Variants in ATP13A5 observed in about 807,000 individuals in gnomAD.
ATP13A5 encodes the protein probable cation-transporting ATPase 13A5.
ATP13A5 carries 149 observed loss-of-function variants against 150.2 expected under a neutral mutation model. The observed-to-expected ratio is 0.99, with a 90% CI of 0.87 to 1.14. The LOEUF (loss-of-function observed/expected upper bound fraction) is 1.14. Among genes scored for constraint, ATP13A5 ranks in the 50% most tolerant of loss-of-function variants. The pLI is 0.00. For synonymous variants in ATP13A5, 497 were observed against 522.2 expected (o/e 0.95, Z 0.66); for missense variants, 1,383 against 1,449.3 (o/e 0.95, Z 0.74).
chr3:193,282,178 G>T (rs1041484904), intron 27 of ATP13A5, among the ~76,000 whole-genome samples: 2 of 151,986 alleles, frequency 1.3e-5, no homozygotes, highest in Admixed American at 6.6e-5. Flanking sequence ...CTGGGTGAAA[G>T]AGCAAGACTC....
At chr3:193,322,422 G>T (rs560382451) in intron 15 of ATP13A5, 69 bp downstream of exon 15, 1 of 1,195,772 alleles carries the variant, frequency 8.4e-7, no homozygotes, top group Non-Finnish European at 1.2e-6. Flanking sequence ...ATAAAAATAT[G>T]TGCAAGTCAG....
At position 193,299,187 on chromosome 3, in the gene ATP13A5, C is replaced by G; in HGVS notation, c.2792G>C (p.Gly931Ala). The G allele has an allele frequency of 3.1e-6, 5 of 1,609,996 alleles. 1 individual carries two copies. Among genetic ancestry groups the G allele is most frequent in the Middle Eastern group, 3.3e-4 (2 of 6,022 alleles). Reference protein sequence around the residue: ...LLLYWQLQLFGNYQYLMQDVA... With the variant: ...LLLYWQLQLFANYQYLMQDVA... ...ATCTTGCATGAGATACTGGTAATTT[C>G]CAAAGAGTTGTAGTTGCTGAAAAAG... The change falls in exon 25 of 30, where the codon GGA (glycine) becomes GCA (alanine). Residue 931 changes from glycine to alanine, a missense_variant. Coordinates refer to ENST00000342358, the MANE Select transcript of ATP13A5 (RefSeq NM_198505.4).
In ATP13A5 at chr3:193,354,150, T is replaced by C; in HGVS notation, c.583A>G (p.Ile195Val). 6.2e-7 allele frequency: 1 copy of C among 1,610,594 alleles called. No homozygotes were observed. Among genetic ancestry groups the C allele is most frequent in the South Asian group, 1.1e-5 (1 of 89,510 alleles). Residue 195 changes from isoleucine (I) to valine (V), a missense_variant, in exon 6 of 30, where the codon ATA becomes GTA. Ile to Val is a conservative substitution (Grantham distance 29). Around this residue, in one of 3 missense-constraint regions of ATP13A5, gnomAD observed 787 missense variants for 771.9 expected, o/e 1.02. Coordinates refer to ENST00000342358, the MANE Select transcript of ATP13A5 (RefSeq NM_198505.4). ...PNAIEVEIQP[I>V]WKLLVKQVLN... ...ACCTGTTTAACAAGCAGCTTCCATA[T>C]GGGTTGGATTTCAACCTCAATGGCG...
At chr3:193,307,225 G>T (rs2108846662) in intron 22 of ATP13A5, 102 bp downstream of exon 22, 1 of 1,589,914 alleles carries the variant, frequency 6.3e-7, no homozygotes, top group East Asian at 2.3e-5. Flanking sequence ...TAATCAAATG[G>T]TTGCTGGTGG....
Position 193,311,948 on chromosome 3 carries a change from T to C in ATP13A5, c.2320-7A>G. 2.5e-6 allele frequency: 4 copies of C among 1,613,400 alleles called. No individual in the cohort carries two copies. The highest frequency in any genetic ancestry group is 3.4e-6 in the Non-Finnish European group (4 of 1,179,628). On this transcript the variant is annotated splice_region_variant and splice_polypyrimidine_tract_variant and intron_variant, in intron 19 of 29. Transcript: ENST00000342358. ...CAGTATGCATGTAGATTTCCTAAAA[T>C]CAAAAGGGCATCATTTCTACATTGA... is the stretch of plus-strand genomic sequence containing the variant.
Position 193,351,053 on chromosome 3 carries a change from A to C in ATP13A5, c.741+14T>G. ...AGAAGCTAAATAGAATCTGGCTGTG[A>C]TTTCAGGTCTTACCTGTCGCAAATC... is the stretch of plus-strand genomic sequence containing the variant. On this transcript the variant is annotated intron_variant, in intron 7 of 29. Coordinates refer to ENST00000342358, the MANE Select transcript of ATP13A5 (RefSeq NM_198505.4). 1 of 1,612,346 alleles carries C rather than the reference A, an allele frequency of 6.2e-7. No homozygotes were observed. Among genetic ancestry groups the C allele is most frequent in the Non-Finnish European group, 8.5e-7 (1 of 1,178,880 alleles).
rs1717116728 is a variant in ATP13A5, at chr3:193,274,977, C to A, written c.*65G>T. Reference sequence around the variant, plus strand: ...AGGTAAGGGGAGAGTATCATCACTTCTCCACAATGTGTTAATTTTGGGGAA... The same window carrying A: ...AGGTAAGGGGAGAGTATCATCACTTATCCACAATGTGTTAATTTTGGGGAA... On this transcript the variant is annotated 3_prime_UTR_variant, in exon 30 of 30. Coordinates refer to ENST00000342358, the MANE Select transcript of ATP13A5 (RefSeq NM_198505.4). 1 of 1,584,144 alleles carries A rather than the reference C, an allele frequency of 6.3e-7. No individual in the cohort carries two copies. Among genetic ancestry groups the A allele is most frequent in the African/African-American group, 1.3e-5 (1 of 74,178 alleles).
At chr3:193,305,909 G>T (rs1718596981) in intron 22 of ATP13A5, among the ~76,000 whole-genome samples, 2 of 152,094 alleles carry the variant, frequency 1.3e-5, no homozygotes, top group Admixed American at 1.3e-4. Context: ...GTGTGTGCAT[G>T]TGGGCATGTG....
chr3:193,293,834 T>G (rs139552235), intron 25 of ATP13A5, among the ~76,000 whole-genome samples: 74 of 152,148 alleles, frequency 4.9e-4, no homozygotes, highest in African/African-American at 1.7e-3. Flanking sequence ...TAGGAGTCAT[T>G]GAAACACAGA....
intron 1 of ATP13A5, among the ~76,000 whole-genome samples, chr3:193,372,812 T>C (rs1713499152): frequency 6.6e-6 from 1 of 152,234 alleles, no homozygotes. Context: ...ACATTGCATC[T>C]TGCCAATTTC....
chr3:193,299,865 C>T (rs765098438), intron 24 of ATP13A5, among the ~76,000 whole-genome samples: 9 of 152,108 alleles, frequency 5.9e-5, no homozygotes, highest in Admixed American at 3.9e-4. Context: ...TCATATCTGT[C>T]GACTAAGCAC....
chr3:193,299,849 T>C (rs759908519), intron 24 of ATP13A5, among the ~76,000 whole-genome samples: 1 of 152,190 alleles, frequency 6.6e-6, no homozygotes, highest in Non-Finnish European at 1.5e-5. Context: ...GGTCTGTTTA[T>C]CTGTTTCATA....
chr3:193,349,591 T>G (rs755073782), intron 7 of ATP13A5, among the ~76,000 whole-genome samples: 19 of 152,074 alleles, frequency 1.2e-4, no homozygotes, highest in Non-Finnish European at 2.2e-4. Flanking sequence ...ATGATGAATA[T>G]AAAGAGGCCC....
In ATP13A5 at chr3:193,311,904, C is replaced by G; in HGVS notation, c.2357G>C (p.Arg786Pro). 2 of 1,613,882 alleles carry G rather than the reference C, an allele frequency of 1.2e-6. No homozygotes were observed. The highest frequency in any genetic ancestry group is 1.3e-5 in the African/African-American group (1 of 75,014). The change falls in exon 20 of 30, where the codon CGT becomes CCT. Residue 786 changes from arginine to proline, a missense_variant. Coordinates refer to ENST00000342358, the MANE Select transcript of ATP13A5 (RefSeq NM_198505.4). The stretch of plus-strand genomic sequence containing the variant: ...ATGGTAACAGCTTCCTCCTTCCCCA[C>G]GAGGGGTTGAACTGTTTCCAGTATG... ...YMHTGNSSTP[R>P]GEGGSCYHFA...
chr3:193,368,789 T>C (rs1365356679), intron 1 of ATP13A5, among the ~76,000 whole-genome samples: 1 of 151,712 alleles, frequency 6.6e-6, no homozygotes, highest in Admixed American at 6.6e-5. Context: ...TATACAAAAA[T>C]TCATTTGAGA....
In ATP13A5 at chr3:193,314,914, C is replaced by G. The variant is rs999689866; in HGVS notation, c.2158+58G>C. 3 of 1,593,598 alleles carry G rather than the reference C, an allele frequency of 1.9e-6. No individual in the cohort carries two copies. In the African/African-American group the frequency reaches 4.0e-5, roughly 21 times the overall value. ...ACATGAACTCACTCAGCTCACACATCTTGTTCTTATGCCTAGGATACAATC... is the reference window on the plus strand; with the variant it reads ...ACATGAACTCACTCAGCTCACACATGTTGTTCTTATGCCTAGGATACAATC... On this transcript the variant is annotated intron_variant, in intron 18 of 29. Transcript: ENST00000342358.
chr3:193,308,009 A>G (rs1391462379), intron 21 of ATP13A5, among the ~76,000 whole-genome samples: 2 of 152,242 alleles, frequency 1.3e-5, no homozygotes, highest in South Asian at 2.1e-4. Flanking sequence ...GTTATACATT[A>G]TAAGTATTGA....
intron 27 of ATP13A5, among the ~76,000 whole-genome samples, chr3:193,284,175 C>T (rs1717621622): frequency 6.6e-6 from 1 of 151,782 alleles, no homozygotes; most frequent in Admixed American, 6.6e-5. Context: ...GCAAGAGCCA[C>T]CATGCCCAGC....
Position 193,357,729 on chromosome 3 carries a change from G to T in ATP13A5, c.537-3533C>A, listed in dbSNP as rs149086145. Among the ~76,000 whole-genome samples, 1,121 of 152,278 alleles carry T rather than the reference G, an allele frequency of 7.4e-3. 23 individuals are homozygous for T. The highest frequency in any genetic ancestry group is 0.026 in the African/African-American group (1,062 of 41,556). ...TAGTTCCAACTATGCATTAGAAGAA[G>T]AGTTGCTTTGGAGGTAGATGGTCCC... On this transcript the variant is annotated intron_variant, in intron 5 of 29. Coordinates refer to ENST00000342358, the MANE Select transcript of ATP13A5 (RefSeq NM_198505.4).
Sources: gnomAD v4.1 joint callset for allele counts (sites outside exome capture counted in the v4.1 genomes callset) on GRCh38, gnomAD v4.1.1 for gene constraint, gnomAD v4.1.1 regional missense constraint, MANE v1.5 for transcripts, NCBI Gene and HGNC (gene_info 2026-07-23, HGNC 2026-07-21) for gene names.